NIBAN1: variants seen among roughly 807,000 people sequenced by gnomAD.
The protein encoded by NIBAN1 is niban apoptosis regulator 1, also known as protein Niban 1.
A neutral mutation model predicts 75.1 loss-of-function variants in NIBAN1; 81 were observed. That is an observed-to-expected ratio of 1.08 (90% CI 0.90 to 1.30). NIBAN1 has a LOEUF of 1.30. Ranked by LOEUF, NIBAN1 falls within the 50% of genes most tolerant of loss-of-function variation. The pLI is 0.00. For missense variants in NIBAN1, 1,133 were observed against 1,128.1 expected, an observed-to-expected ratio of 1.00 and a Z score of -0.06; for synonymous variants, 436 against 424.8, an observed-to-expected ratio of 1.03 and a Z score of -0.32.
chr1:184,912,506 C>T (rs1423212563), intron 1 of NIBAN1, among the ~76,000 whole-genome samples: 1 of 152,148 alleles, frequency 6.6e-6, no homozygotes, highest in East Asian at 1.9e-4. Context: ...CAGGAATTCT[C>T]GGTACTGTCC....
chr1:184,859,712 A>G (rs1655767136), intron 5 of NIBAN1, among the ~76,000 whole-genome samples: 3 of 152,188 alleles, frequency 2.0e-5, no homozygotes, highest in Admixed American at 6.5e-5. Flanking sequence ...TCATTATGGT[A>G]TATAAGCAGT....
At chr1:184,974,081 C>T (rs1033833647) in intron 1 of NIBAN1, among the ~76,000 whole-genome samples, 19 of 152,258 alleles carry the variant, frequency 1.2e-4, no homozygotes, top group African/African-American at 4.3e-4. Flanking sequence ...CCGCATCCTG[C>T]ACCTGCCTCG....
chr1:184,904,897 G>T (rs1657050778), intron 1 of NIBAN1, among the ~76,000 whole-genome samples: 1 of 151,488 alleles, frequency 6.6e-6, no homozygotes, highest in East Asian at 1.9e-4. Flanking sequence ...GTTGCAGTGA[G>T]CCAAGATCGC....
At position 184,808,119 on chromosome 1, in the gene NIBAN1, G is replaced by T. The variant is rs1365877119; in HGVS notation, c.1290C>A (p.Pro430=). 3.7e-6 allele frequency: 6 copies of T among 1,613,872 alleles called. No homozygotes were observed. In the African/African-American group the frequency reaches 6.7e-5, roughly 18 times the overall value. The change falls in exon 10 of 14, where the codon CCC becomes CCA. Residue 430 remains proline, a synonymous_variant. Coordinates refer to ENST00000367511, the MANE Select transcript of NIBAN1 (RefSeq NM_052966.4). ...TCCTCTGAACCACCAGATCAATGTG[G>T]GGGAATCTGAAGCGGCTCTTGAGAT... ...LQDLKSRFRF[P]HIDLVVQRTQ... is the part of the protein sequence containing the mutation.
intron 5 of NIBAN1, among the ~76,000 whole-genome samples, chr1:184,874,521 T>C (rs1334869989): frequency 6.6e-6 from 1 of 152,024 alleles, no homozygotes; most frequent in Non-Finnish European, 1.5e-5. Flanking sequence ...AAAAATTTAA[T>C]TCACTAGGAA....
intron 3 of NIBAN1, among the ~76,000 whole-genome samples, chr1:184,893,514 G>GA (rs917888393): frequency 2.3e-4 from 34 of 150,318 alleles, no homozygotes; most frequent in East Asian, 9.7e-4. Context: ...AAAGTTAAAT[G>GA]AAAAAAAAAT....
At chr1:184,951,614 G>A (rs1557928099) in intron 1 of NIBAN1, among the ~76,000 whole-genome samples, 1 of 151,826 alleles carries the variant, frequency 6.6e-6, no homozygotes, top group Non-Finnish European at 1.5e-5. Flanking sequence ...CCTACCTCCA[G>A]CTACCCCCTA....
chr1:184,953,584 C>G (rs1658411331), intron 1 of NIBAN1, among the ~76,000 whole-genome samples: 1 of 152,156 alleles, frequency 6.6e-6, no homozygotes, highest in Non-Finnish European at 1.5e-5. Context: ...TATCAGCACA[C>G]CTTAAGGCAT....
intron 1 of NIBAN1, among the ~76,000 whole-genome samples, chr1:184,962,893 T>C (rs1658688335): frequency 6.6e-6 from 1 of 152,152 alleles, no homozygotes; most frequent in Non-Finnish European, 1.5e-5. Context: ...TTTCCTGCTT[T>C]TGAACTATCA....
At chr1:184,853,150 C>G (rs1655589811) in intron 5 of NIBAN1, among the ~76,000 whole-genome samples, 1 of 152,130 alleles carries the variant, frequency 6.6e-6, no homozygotes, top group Admixed American at 6.5e-5. Context: ...GTAGGTTCTT[C>G]CTAAACCCCT....
Position 184,795,439 on chromosome 1 carries a change from A to C in NIBAN1, c.2325T>G (p.Pro775=). 1 of 1,607,798 alleles carries C rather than the reference A, an allele frequency of 6.2e-7. No individual in the cohort carries two copies. Among genetic ancestry groups the C allele is most frequent in the Non-Finnish European group, 8.5e-7 (1 of 1,176,976 alleles). The change falls in exon 14 of 14, where the codon CCT becomes CCG. Residue 775 remains proline, a synonymous_variant. Transcript: ENST00000367511. ...CCTCCCCATGGGCCTCGGGACAGGG[A>C]GGTTGGGCCTCCCTCTCGCTGACTT... ...ESEVSEREAQ[P]PCPEAHGEEL...
intron 9 of NIBAN1, among the ~76,000 whole-genome samples, chr1:184,815,116 A>G (rs1654490828): frequency 6.6e-6 from 1 of 152,216 alleles, no homozygotes; most frequent in Non-Finnish European, 1.5e-5. Flanking sequence ...GGCCATTTAA[A>G]CATTTATAAA....
chr1:184,796,584 C>A (rs946793491), intron 13 of NIBAN1, among the ~76,000 whole-genome samples: 1 of 152,090 alleles, frequency 6.6e-6, no homozygotes, highest in South Asian at 2.1e-4. Context: ...AGGAGAGGGC[C>A]AAAATGAAGA....
rs1004920024 is a variant in NIBAN1 at position 184,803,637 on chromosome 1, A to T, written c.1502T>A (p.Val501Asp). The change falls in exon 12 of 14, where the codon GTT becomes GAT. Residue 501 changes from valine to aspartate, a missense_variant. Transcript: ENST00000367511. ...IRKKIFQEAL[V>D]QITLPTVQKA... ...CTGCACAGTGGGAAGTGTGATTTGA[A>T]CTAGTGCCTCTTGAAATATCTTCTT... The T allele has an allele frequency of 6.2e-7, 1 of 1,614,234 alleles. No homozygotes were observed. Among genetic ancestry groups the T allele is most frequent in the Non-Finnish European group, 8.5e-7 (1 of 1,180,032 alleles).
intron 2 of NIBAN1, among the ~76,000 whole-genome samples, chr1:184,896,568 T>C (rs1303565540): frequency 6.6e-6 from 1 of 152,190 alleles, no homozygotes; most frequent in Non-Finnish European, 1.5e-5. Flanking sequence ...TTCTCTATTT[T>C]TGTTTTTGTT....
chr1:184,961,864 G>A (rs1658660031), intron 1 of NIBAN1, among the ~76,000 whole-genome samples: 1 of 152,236 alleles, frequency 6.6e-6, no homozygotes, highest in South Asian at 2.1e-4. Context: ...TAGCCTCTAG[G>A]ACATTGCTGT....
At chr1:184,817,043 C>G (rs1027507538) in intron 9 of NIBAN1, among the ~76,000 whole-genome samples, 1 of 152,158 alleles carries the variant, frequency 6.6e-6, no homozygotes, top group East Asian at 1.9e-4. Context: ...CACCCTGCAA[C>G]AGGACCCCAT....
chr1:184,968,013 C>T lies in NIBAN1; in HGVS notation c.55+6289G>A. ...GGTCAGGAGATCGAGACCATCCTGG[C>T]TAACAAGGTGAAACCCCGTCTCTAC... On this transcript the variant is annotated intron_variant, in intron 1 of 13. Coordinates refer to ENST00000367511, the MANE Select transcript of NIBAN1 (RefSeq NM_052966.4). Among the ~76,000 whole-genome samples the T allele has an allele frequency of 1.5e-4, 2 of 13,652 alleles. 1 individual carries two copies. The highest frequency in any genetic ancestry group is 4.9e-4 in the Non-Finnish European group (2 of 4,052). The allele number at this position is 13,652 out of a possible 152,430, so 9.0% of individuals were successfully genotyped here. A position where few individuals can be genotyped will look rare whatever the true frequency, so the allele number is the denominator to read the frequency against.
intron 1 of NIBAN1, among the ~76,000 whole-genome samples, chr1:184,956,305 C>A (rs1409011336): frequency 1.3e-5 from 2 of 152,094 alleles, no homozygotes; most frequent in East Asian, 3.9e-4. Context: ...TGGAATATGC[C>A]CAGCCAGGTC....
Sources: allele counts gnomAD v4.1 joint callset (sites outside exome capture counted in the v4.1 genomes callset), GRCh38; gene constraint gnomAD v4.1.1; transcripts MANE v1.5; gene names NCBI Gene and HGNC (gene_info 2026-07-23, HGNC 2026-07-21).